The following CORO7 variants were observed in gnomAD, a reference collection of about 807,000 sequenced individuals.
CORO7 encodes coronin-7.
CORO7 carries 107 observed loss-of-function variants against 126.6 expected under a neutral mutation model. The observed-to-expected ratio is 0.85, with a 90% confidence interval of 0.72 to 0.99. The LOEUF is 0.99. Among genes scored for constraint, CORO7 ranks in the 50% least tolerant of loss-of-function variants. The pLI is 0.00. For synonymous variants in CORO7, 603 were observed against 536.8 expected (o/e 1.12, Z -1.70); for missense variants, 1,314 against 1,255.8 (o/e 1.05, Z -0.70).
In CORO7 at chr16:4,364,758, G is replaced by A. The variant is rs997769896; in HGVS notation, c.1044+17C>T. 5 of 1,606,532 alleles carry A rather than the reference G, an allele frequency of 3.1e-6. No homozygotes were observed. Among genetic ancestry groups the A allele is most frequent in the Non-Finnish European group, 2.5e-6 (3 of 1,177,094 alleles). On this transcript the variant is annotated intron_variant, in intron 12 of 27. Transcript: ENST00000251166. The stretch of plus-strand genomic sequence containing the variant: ...GACTCCCCAGCCCCCGCAGTCCCTC[G>A]CCCAAGTCCCCCTCACCTTGCGGGG...
At chr16:4,379,355 C>A (rs1055990133) in intron 9 of CORO7, among the ~76,000 whole-genome samples, 1 of 152,090 alleles carries the variant, frequency 6.6e-6, no homozygotes, top group Non-Finnish European at 1.5e-5. Context: ...CCCCAGCGGT[C>A]TCCCCAGGAG....
intron 9 of CORO7, among the ~76,000 whole-genome samples, chr16:4,378,919 C>G (rs1567269624): frequency 6.6e-6 from 1 of 152,066 alleles, no homozygotes; most frequent in Non-Finnish European, 1.5e-5. Flanking sequence ...GGAGACGACT[C>G]TGGCAGTGCG....
intron 9 of CORO7, chr16:4,381,313 A>G (rs1427233051): frequency 6.2e-7 from 1 of 1,611,790 alleles, no homozygotes; most frequent in Non-Finnish European, 8.5e-7. Context: ...TGCCTTCGAC[A>G]CGCTCGACCG....
At chr16:4,357,327 G>T (rs1352420213) in intron 25 of CORO7, 68 bp from the exon 26 acceptor site, 1 of 1,435,132 alleles carries the variant, frequency 7.0e-7, no homozygotes, top group East Asian at 2.5e-5. Context: ...CAAGCCCTCG[G>T]GGATTTCTTT....
At position 4,359,275 on chromosome 16, in the gene CORO7, G is replaced by A. The variant is rs192825669; in HGVS notation, c.2340+21C>T. 1.3e-4 allele frequency: 204 copies of A among 1,581,074 alleles called. No homozygotes were observed. In the African/African-American group the frequency reaches 1.9e-3, roughly 15 times the overall value. ...GCAGCCTTGTGGTCCCATCGGGGAC[G>A]AGGCGCCAGGGTGGCCTCACCTTGT... is the stretch of plus-strand genomic sequence containing the variant. On this transcript the variant is annotated intron_variant, in intron 23 of 27. Transcript: ENST00000251166.
At chr16:4,380,015 G>A (rs1392681029) in intron 9 of CORO7, among the ~76,000 whole-genome samples, 3 of 147,910 alleles carry the variant, frequency 2.0e-5, no homozygotes, top group East Asian at 2.0e-4. Flanking sequence ...CCGAGATCTC[G>A]CCACTGCACT....
chr16:4,378,109 T>C (rs1017913790), intron 9 of CORO7, among the ~76,000 whole-genome samples: 1 of 152,090 alleles, frequency 6.6e-6, no homozygotes, highest in Non-Finnish European at 1.5e-5. Flanking sequence ...CACGTGCCCC[T>C]AAGAGCTGGC....
In CORO7 at chr16:4,399,511, C is replaced by T. The variant is rs557492631; in HGVS notation, c.565-4172G>A. Among the ~76,000 whole-genome samples, 8 of 152,270 alleles carry T rather than the reference C, an allele frequency of 5.3e-5. No individual in the cohort carries two copies. The South Asian group carries it at 1.7e-3, about 32-fold the overall frequency. ...GGCCGGGAGGTAGGGCAAAGGGGAA[C>T]TGCTGTTTAATGGGTATAGAGTTTC... On this transcript the variant is annotated intron_variant, in intron 6 of 27. Coordinates refer to ENST00000251166, the MANE Select transcript of CORO7 (RefSeq NM_024535.5).
intron 7 of CORO7, among the ~76,000 whole-genome samples, chr16:4,393,038 C>T (rs892395825): frequency 2.6e-5 from 4 of 152,266 alleles, no homozygotes; most frequent in Non-Finnish European, 5.9e-5. Flanking sequence ...GTCACCGCCC[C>T]AGCCCTGCTG....
At chr16:4,413,942 T>C (rs1159465685) in intron 1 of CORO7, among the ~76,000 whole-genome samples, 1 of 151,288 alleles carries the variant, frequency 6.6e-6, no homozygotes, top group Non-Finnish European at 1.5e-5. Flanking sequence ...TCCCAGCACT[T>C]TGGGAGGCTG....
chr16:4,385,902 C>T (rs1056470073), intron 9 of CORO7, among the ~76,000 whole-genome samples: 6 of 152,250 alleles, frequency 3.9e-5, no homozygotes, highest in Non-Finnish European at 8.8e-5. Flanking sequence ...CAGAAGAACT[C>T]GAGGGTGGTG....
intron 16 of CORO7, 154 bp downstream of exon 16, chr16:4,361,831 C>A (rs754086609): frequency 8.9e-6 from 11 of 1,238,736 alleles, no homozygotes; most frequent in Admixed American, 2.0e-5. Flanking sequence ...AAGTGGCAGG[C>A]CCCATGGCAG....
chr16:4,407,235 A>G (rs1427470330), intron 5 of CORO7, among the ~76,000 whole-genome samples: 3 of 151,700 alleles, frequency 2.0e-5, no homozygotes, highest in Non-Finnish European at 4.4e-5. Flanking sequence ...GGCATGAGCC[A>G]CCGCGCCCGG....
At chr16:4,367,000 C>T (rs903612824) in intron 9 of CORO7, among the ~76,000 whole-genome samples, 5 of 152,162 alleles carry the variant, frequency 3.3e-5, no homozygotes, top group Admixed American at 6.5e-5. Flanking sequence ...AGGGCCCAGC[C>T]GCCCTCCACT....
intron 26 of CORO7, 153 bp from the exon 27 acceptor site, chr16:4,355,525 G>A: frequency 3.8e-6 from 3 of 790,300 alleles, no homozygotes; most frequent in African/African-American, 1.7e-5. Flanking sequence ...ATGGAGTGCA[G>A]TGGCGCGATC....
intron 7 of CORO7, 42 bp from the exon 8 acceptor site, chr16:4,388,673 C>T (rs1457509960): frequency 5.1e-6 from 8 of 1,583,488 alleles, no homozygotes; most frequent in Non-Finnish European, 6.9e-6. Context: ...CAGGGCCCTG[C>T]TGGTGGGCGG....
intron 24 of CORO7, 122 bp downstream of exon 24, chr16:4,358,245 G>C (rs760651131): frequency 1.6e-5 from 25 of 1,528,266 alleles, no homozygotes; most frequent in South Asian, 7.3e-5. Context: ...TCAGCAGAAG[G>C]GGGTAGGTGT....
chr16:4,363,441 G>T (rs1363916923), intron 14 of CORO7, among the ~76,000 whole-genome samples: 4 of 143,878 alleles, frequency 2.8e-5, no homozygotes, highest in African/African-American at 1.0e-4. Flanking sequence ...GCGTGGTGGT[G>T]CGCGCCTGTA....
At chr16:4,414,667 TA>T (rs1297835036) in intron 1 of CORO7, among the ~76,000 whole-genome samples, 1 of 152,184 alleles carries the variant, frequency 6.6e-6, no homozygotes, top group Non-Finnish European at 1.5e-5. Context: ...CTCCCTAACA[TA>T]AACTGTTTTA....
Sources: gnomAD v4.1 joint callset for allele counts (sites outside exome capture counted in the v4.1 genomes callset) on GRCh38, gnomAD v4.1.1 for gene constraint, MANE v1.5 for transcripts, NCBI Gene and HGNC (gene_info 2026-07-23, HGNC 2026-07-21) for gene names.